Variants in PRKD1 observed in about 807,000 individuals in gnomAD.
The protein encoded by PRKD1 is serine/threonine-protein kinase D1.
A neutral mutation model predicts 95.9 loss-of-function variants in PRKD1; 63 were observed. The observed-to-expected ratio is 0.66, with a 90% confidence interval of 0.54 to 0.81. The LOEUF (loss-of-function observed/expected upper bound fraction) is 0.81, where lower values mean the gene tolerates loss of function less well. Ranked by LOEUF, PRKD1 falls within the 30% of genes least tolerant of loss-of-function variation. PRKD1 has a pLI of 0.00. For synonymous variants in PRKD1, 425 were observed against 423.1 expected (o/e 1.00, Z -0.05); for missense variants, 1,048 against 1,165.3 (o/e 0.90, Z 1.47).
intron 1 of PRKD1, among the ~76,000 whole-genome samples, chr14:29,757,684 C>T (rs1262670583): frequency 2.0e-5 from 3 of 150,788 alleles, no homozygotes; most frequent in East Asian, 2.0e-4. Flanking sequence ...TTTCTGTCCA[C>T]AATAAAACCA....
intron 1 of PRKD1, among the ~76,000 whole-genome samples, chr14:29,736,149 C>T (rs1393661040): frequency 6.6e-6 from 1 of 152,148 alleles, no homozygotes; most frequent in Non-Finnish European, 1.5e-5. Context: ...CACATGTGAA[C>T]GTGGAGACCT....
At chr14:29,631,688 C>T (rs1880017445) in intron 9 of PRKD1, among the ~76,000 whole-genome samples, 1 of 151,870 alleles carries the variant, frequency 6.6e-6, no homozygotes, top group Non-Finnish European at 1.5e-5. Flanking sequence ...TTAGTAGAGA[C>T]AGGGTTTCAA....
intron 1 of PRKD1, among the ~76,000 whole-genome samples, chr14:29,782,267 T>C (rs1037961569): frequency 2.0e-5 from 3 of 152,172 alleles, no homozygotes; most frequent in African/African-American, 7.2e-5. Flanking sequence ...AGCACTTTCA[T>C]TAGTTAAGTT....
intron 1 of PRKD1, among the ~76,000 whole-genome samples, chr14:29,734,304 TGCTGGTATTACG>T (rs1156876063): frequency 6.6e-6 from 1 of 152,094 alleles, no homozygotes; most frequent in Non-Finnish European, 1.5e-5. Flanking sequence ...CCTCCCAAAG[TGCTGGTATTACG>T]GGTGTGAGCC....
chr14:29,753,192 T>A (rs1887556394), intron 1 of PRKD1, among the ~76,000 whole-genome samples: 1 of 151,932 alleles, frequency 6.6e-6, no homozygotes, highest in Non-Finnish European at 1.5e-5. Context: ...AAAGAAACAA[T>A]CACAATGAAA....
intron 1 of PRKD1, among the ~76,000 whole-genome samples, chr14:29,852,518 T>C (rs1205324595): frequency 6.7e-6 from 1 of 149,692 alleles, no homozygotes; most frequent in African/African-American, 2.5e-5. Flanking sequence ...AAGTGCATTG[T>C]GGGAGTACCA....
At chr14:29,802,259 T>C (rs1890065992) in intron 1 of PRKD1, among the ~76,000 whole-genome samples, 1 of 152,090 alleles carries the variant, frequency 6.6e-6, no homozygotes, top group Non-Finnish European at 1.5e-5. Flanking sequence ...AATTTAGACC[T>C]GATAGTAAAT....
At chr14:29,783,077 G>T (rs1889120590) in intron 1 of PRKD1, among the ~76,000 whole-genome samples, 1 of 152,144 alleles carries the variant, frequency 6.6e-6, no homozygotes, top group Non-Finnish European at 1.5e-5. Context: ...TCATCCTACT[G>T]TGCTACTGAA....
intron 1 of PRKD1, among the ~76,000 whole-genome samples, chr14:29,894,549 A>G (rs974101060): frequency 2.6e-5 from 4 of 152,250 alleles, no homozygotes; most frequent in African/African-American, 9.6e-5. Flanking sequence ...TGAGACCTAC[A>G]TTTGTACAAA....
At chr14:29,909,464 A>T (rs1566666698) in intron 1 of PRKD1, among the ~76,000 whole-genome samples, 1 of 152,196 alleles carries the variant, frequency 6.6e-6, no homozygotes, top group Non-Finnish European at 1.5e-5. Context: ...AGGTGAAGCC[A>T]GCTGGGCTCC....
chr14:29,881,283 G>T (rs1197356912), intron 1 of PRKD1, among the ~76,000 whole-genome samples: 5 of 152,188 alleles, frequency 3.3e-5, no homozygotes, highest in Non-Finnish European at 7.3e-5. Flanking sequence ...CACAAGATCT[G>T]ATGGGTTTAT....
At chr14:29,863,154 G>A (rs1892767010) in intron 1 of PRKD1, among the ~76,000 whole-genome samples, 1 of 152,106 alleles carries the variant, frequency 6.6e-6, no homozygotes, top group Non-Finnish European at 1.5e-5. Context: ...AGTAAAACTG[G>A]CAGAAAAGAG....
intron 1 of PRKD1, among the ~76,000 whole-genome samples, chr14:29,840,272 C>T (rs1470458605): frequency 1.3e-5 from 2 of 152,184 alleles, no homozygotes; most frequent in South Asian, 2.1e-4. Flanking sequence ...GGGCAAAATG[C>T]TATCAGTCTC....
At chr14:29,830,393 T>G (rs1026166998) in intron 1 of PRKD1, among the ~76,000 whole-genome samples, 15 of 152,336 alleles carry the variant, frequency 9.8e-5, no homozygotes, top group African/African-American at 3.4e-4. Flanking sequence ...AATTAAATTA[T>G]GCACATTGTC....
rs188196949 is a variant in PRKD1, at chr14:29,873,048, A to G, written c.264+54201T>C. Among the ~76,000 whole-genome samples the G allele has an allele frequency of 7.2e-5, 11 of 152,274 alleles. No individual in the cohort carries two copies. The East Asian group carries it at 1.7e-3, about 24-fold the overall frequency. On this transcript the variant is annotated intron_variant, in intron 1 of 17. Coordinates refer to ENST00000331968, the MANE Select transcript of PRKD1 (RefSeq NM_002742.3). ...AAGCCTTAACAAACACTGCTTTACA[A>G]GTAATTTTGATGCTGCCTATACTAC...
At chr14:29,691,049 A>C (rs1267345107) in intron 2 of PRKD1, among the ~76,000 whole-genome samples, 1 of 152,220 alleles carries the variant, frequency 6.6e-6, no homozygotes, top group African/African-American at 2.4e-5. Context: ...AGCACAGGGC[A>C]TGGCATCAAG....
chr14:29,614,210 A>T (rs1487152191), intron 13 of PRKD1, among the ~76,000 whole-genome samples: 1 of 152,240 alleles, frequency 6.6e-6, no homozygotes, highest in Non-Finnish European at 1.5e-5. Context: ...GAAAATTTGA[A>T]ATACTGTGTT....
At chr14:29,911,309 T>C (rs1416759788) in intron 1 of PRKD1, among the ~76,000 whole-genome samples, 2 of 152,212 alleles carry the variant, frequency 1.3e-5, no homozygotes, top group African/African-American at 2.4e-5. Flanking sequence ...TCTTCAAAGA[T>C]TGTTGAATGT....
At chr14:29,798,423 C>T (rs1183316461) in intron 1 of PRKD1, among the ~76,000 whole-genome samples, 1 of 152,100 alleles carries the variant, frequency 6.6e-6, no homozygotes, top group Non-Finnish European at 1.5e-5. Context: ...TATAATGTGT[C>T]TAAAAATCTT....
Sources: gnomAD v4.1 joint callset for allele counts (sites outside exome capture counted in the v4.1 genomes callset) on GRCh38, gnomAD v4.1.1 for gene constraint, MANE v1.5 for transcripts, NCBI Gene and HGNC (gene_info 2026-07-23, HGNC 2026-07-21) for gene names.